The following ROBO2 variants were observed in gnomAD, a reference collection of about 807,000 sequenced individuals.
The protein encoded by ROBO2 is roundabout guidance receptor 2.
A neutral mutation model predicts 160.8 loss-of-function variants in ROBO2; 53 were observed. The observed-to-expected ratio is 0.33, with a 90% CI of 0.26 to 0.41. The LOEUF is 0.41. Among genes scored for constraint, ROBO2 ranks in the 10% least tolerant of loss-of-function variants. ROBO2 has a pLI of 1.00. For synonymous variants in ROBO2, 664 were observed against 611.7 expected (o/e 1.09, Z -1.26); for missense variants, 1,577 against 1,722.4 (o/e 0.92, Z 1.49).
chr3:76,719,748 G>T (rs2093435877), intron 2 of ROBO2, among the ~76,000 whole-genome samples: 1 of 152,004 alleles, frequency 6.6e-6, no homozygotes, highest in African/African-American at 2.4e-5. Context: ...GCTGGGTGTG[G>T]TGGTGAGCAC....
chr3:77,208,922 G>A (rs1476977599), intron 2 of ROBO2, among the ~76,000 whole-genome samples: 2 of 152,086 alleles, frequency 1.3e-5, no homozygotes, highest in Non-Finnish European at 2.9e-5. Flanking sequence ...AGAACCACTG[G>A]AGTGCTTTAA....
intron 2 of ROBO2, among the ~76,000 whole-genome samples, chr3:76,636,584 AG>A (rs1182853959): frequency 1.3e-5 from 2 of 152,188 alleles, no homozygotes; most frequent in African/African-American, 4.8e-5. Flanking sequence ...ACTTGATTCC[AG>A]AAACCCAGAT....
intron 2 of ROBO2, among the ~76,000 whole-genome samples, chr3:76,915,759 G>A (rs1014828127): frequency 6.6e-6 from 1 of 151,834 alleles, no homozygotes; most frequent in African/African-American, 2.4e-5. Context: ...CTTGCTTAGA[G>A]CAAGGATCCT....
chr3:77,457,245 G>T (rs562995722), intron 2 of ROBO2, among the ~76,000 whole-genome samples: 1 of 152,178 alleles, frequency 6.6e-6, no homozygotes, highest in African/African-American at 2.4e-5. Flanking sequence ...AGGTGATTTT[G>T]GGTTGTCAAG....
chr3:76,847,618 G>A (rs2068895806), intron 2 of ROBO2, among the ~76,000 whole-genome samples: 1 of 152,154 alleles, frequency 6.6e-6, no homozygotes, highest in Non-Finnish European at 1.5e-5. Flanking sequence ...AGCTAAGAGA[G>A]CTATAGACAC....
intron 6 of ROBO2, among the ~76,000 whole-genome samples, chr3:77,529,331 A>G (rs1207686089): frequency 6.6e-6 from 1 of 151,696 alleles, no homozygotes; most frequent in Admixed American, 6.6e-5. Flanking sequence ...TATAGGAGAT[A>G]TGAAAATAGA....
chr3:77,401,852 A>G (rs1040737990), intron 2 of ROBO2, among the ~76,000 whole-genome samples: 1 of 152,204 alleles, frequency 6.6e-6, no homozygotes, highest in East Asian at 1.9e-4. Flanking sequence ...ACTGTCATCC[A>G]CAATGGTTGA....
chr3:77,167,886 T>C (rs936510403), intron 2 of ROBO2, among the ~76,000 whole-genome samples: 4 of 152,084 alleles, frequency 2.6e-5, no homozygotes, highest in Non-Finnish European at 5.9e-5. Context: ...GGACATGATG[T>C]TTCTCTGCCG....
chr3:77,345,546 C>T (rs773133462), intron 2 of ROBO2, among the ~76,000 whole-genome samples: 16 of 152,164 alleles, frequency 1.1e-4, no homozygotes, highest in Admixed American at 4.6e-4. Flanking sequence ...ATGCCCCCTC[C>T]CCAAAATAAA....
At chr3:76,754,070 G>T (rs1395937150) in intron 2 of ROBO2, among the ~76,000 whole-genome samples, 1 of 151,796 alleles carries the variant, frequency 6.6e-6, no homozygotes, top group African/African-American at 2.4e-5. Flanking sequence ...AAAGACATTA[G>T]AGGCTGTATA....
chr3:76,616,649 C>A (rs2088607756), intron 2 of ROBO2, among the ~76,000 whole-genome samples: 1 of 152,200 alleles, frequency 6.6e-6, no homozygotes, highest in African/African-American at 2.4e-5. Context: ...AGAGGAGTCA[C>A]ACGAACTGTG....
chr3:76,987,583 C>T lies in ROBO2; in HGVS notation c.110-110431C>T, dbSNP rs139279442. Among the ~76,000 whole-genome samples the T allele has an allele frequency of 1.1e-3, 171 of 152,204 alleles. 2 individuals carry two copies. Among genetic ancestry groups the T allele is most frequent in the African/African-American group, 3.9e-3 (160 of 41,538 alleles). On this transcript the variant is annotated intron_variant, in intron 2 of 26. Coordinates refer to the ROBO2 transcript ENST00000487694. ...AAAGGACTTTATGCCATCAATAATT[C>T]ATGCACTTCTAAAAAATTAGCCTGA...
intron 2 of ROBO2, among the ~76,000 whole-genome samples, chr3:76,971,953 A>G (rs1313396054): frequency 1.3e-5 from 2 of 152,212 alleles, no homozygotes; most frequent in Non-Finnish European, 2.9e-5. Flanking sequence ...TGTTCTCATA[A>G]TATCCTTACC....
intron 2 of ROBO2, among the ~76,000 whole-genome samples, chr3:76,783,774 A>G (rs770577787): frequency 2.0e-5 from 3 of 150,488 alleles, no homozygotes; most frequent in Non-Finnish European, 4.5e-5. Context: ...AGATTTGGGG[A>G]GTTTTCTGTC....
chr3:76,106,277 A>G (rs1186797439), intron 2 of ROBO2, among the ~76,000 whole-genome samples: 2 of 152,156 alleles, frequency 1.3e-5, no homozygotes, highest in East Asian at 3.8e-4. Flanking sequence ...TACCTGCAAC[A>G]GAAGCAATTT....
intron 5 of ROBO2, among the ~76,000 whole-genome samples, chr3:77,503,460 C>T (rs1224472054): frequency 6.6e-6 from 1 of 150,792 alleles, no homozygotes; most frequent in Non-Finnish European, 1.5e-5. Context: ...GGAGGCAGAG[C>T]TTGCAGTGAG....
chr3:76,352,302 A>T (rs964653275), intron 2 of ROBO2, among the ~76,000 whole-genome samples: 10 of 151,996 alleles, frequency 6.6e-5, no homozygotes, highest in African/African-American at 2.4e-4. Flanking sequence ...GGCTATGACT[A>T]GTTGGAGTGA....
intron 23 of ROBO2, among the ~76,000 whole-genome samples, chr3:77,626,569 G>A (rs1210171450): frequency 2.0e-5 from 3 of 152,142 alleles, no homozygotes; most frequent in African/African-American, 4.8e-5. Flanking sequence ...GTTGGGTAAC[G>A]GGGAGGGAGA....
intron 2 of ROBO2, among the ~76,000 whole-genome samples, chr3:76,215,841 T>A (rs892691992): frequency 2.0e-5 from 3 of 151,836 alleles, no homozygotes; most frequent in Non-Finnish European, 4.4e-5. Flanking sequence ...GAAGAACAGC[T>A]CCAAGACACA....
Sources: gnomAD v4.1 joint callset for allele counts (sites outside exome capture counted in the v4.1 genomes callset) on GRCh38, gnomAD v4.1.1 for gene constraint, MANE v1.5 for transcripts, NCBI Gene and HGNC (gene_info 2026-07-23, HGNC 2026-07-21) for gene names.